Variants in ERC1 observed in about 807,000 individuals in gnomAD.
ERC1 encodes the protein RAB6 interacting protein 2.
A neutral mutation model predicts 132.0 loss-of-function variants in ERC1; 56 were observed. That is an observed-to-expected ratio of 0.42 (90% CI 0.34 to 0.53). The LOEUF is 0.53. Ranked by LOEUF, ERC1 falls within the 20% of genes least tolerant of loss-of-function variation. ERC1 has a pLI of 0.03. For synonymous variants in ERC1, 478 were observed against 476.1 expected (o/e 1.00, Z -0.05); for missense variants, 1,202 against 1,349.9 (o/e 0.89, Z 1.72).
intron 8 of ERC1, among the ~76,000 whole-genome samples, chr12:1,154,832 A>G (rs558690192): frequency 6.6e-6 from 1 of 152,298 alleles, no homozygotes; most frequent in South Asian, 2.1e-4. Context: ...TCATCAGGGA[A>G]ATGCAAATTA....
intron 18 of ERC1, among the ~76,000 whole-genome samples, chr12:1,477,261 A>G (rs1473883648): frequency 6.6e-6 from 1 of 152,264 alleles, no homozygotes; most frequent in Non-Finnish European, 1.5e-5. Context: ...AAGTGGATTA[A>G]ATGTGTTAAT....
At chr12:995,328 G>A (rs1960612393) in intron 1 of ERC1, among the ~76,000 whole-genome samples, 1 of 152,068 alleles carries the variant, frequency 6.6e-6, no homozygotes. Context: ...TCCAGGTGAG[G>A]GTATCTCTGA....
At chr12:1,167,781 A>T (rs1225243303) in intron 8 of ERC1, among the ~76,000 whole-genome samples, 3 of 144,130 alleles carry the variant, frequency 2.1e-5, no homozygotes, top group African/African-American at 7.8e-5. Context: ...CAGTGGCGTG[A>T]TCTCAGCTCA....
At chr12:1,183,931 C>T (rs1159816809) in intron 11 of ERC1, among the ~76,000 whole-genome samples, 2 of 151,950 alleles carry the variant, frequency 1.3e-5, no homozygotes, top group African/African-American at 2.4e-5. Flanking sequence ...GTCAGGAGTT[C>T]GAGACCAGCT....
chr12:1,328,826 G>GGATGCAAAGTGAGGCAATAACTAC (rs1555362532), intron 15 of ERC1, among the ~76,000 whole-genome samples: 2 of 149,108 alleles, frequency 1.3e-5, no homozygotes, highest in Non-Finnish European at 1.5e-5. Context: ...GTTGAATTAG[G>GGATGCAAAGTGAGGCAATAACTAC]AGCATCTAAT....
intron 1 of ERC1, among the ~76,000 whole-genome samples, chr12:1,006,555 G>T (rs1471744111): frequency 6.6e-6 from 1 of 151,954 alleles, no homozygotes; most frequent in African/African-American, 2.4e-5. Context: ...GCTCATTTTT[G>T]TAATTTTTTT....
At chr12:1,245,653 C>G (rs905038774) in intron 13 of ERC1, among the ~76,000 whole-genome samples, 1 of 152,124 alleles carries the variant, frequency 6.6e-6, no homozygotes, top group African/African-American at 2.4e-5. Flanking sequence ...TAAAAATGTT[C>G]TGATTGGATT....
intron 2 of ERC1, among the ~76,000 whole-genome samples, chr12:1,056,743 C>T (rs1050239490): frequency 1.3e-5 from 2 of 152,112 alleles, no homozygotes; most frequent in African/African-American, 4.8e-5. Context: ...ATACCTGGCC[C>T]CCAGGTAGCC....
intron 8 of ERC1, among the ~76,000 whole-genome samples, chr12:1,168,687 A>G (rs1249820690): frequency 6.6e-6 from 1 of 152,018 alleles, no homozygotes; most frequent in African/African-American, 2.4e-5. Flanking sequence ...GGGTTTTGCC[A>G]TGTTGGTCAG....
intron 15 of ERC1, among the ~76,000 whole-genome samples, chr12:1,304,076 G>T (rs900483847): frequency 6.6e-6 from 1 of 152,042 alleles, no homozygotes. Flanking sequence ...CCTATTTAGG[G>T]TGTGGTGGTT....
intron 8 of ERC1, among the ~76,000 whole-genome samples, chr12:1,155,444 C>T (rs1412797226): frequency 2.0e-5 from 3 of 151,840 alleles, no homozygotes; most frequent in African/African-American, 7.3e-5. Flanking sequence ...CCTAAGTGCC[C>T]ATCAACCAAT....
At chr12:1,150,212 T>C (rs1212892712) in intron 8 of ERC1, among the ~76,000 whole-genome samples, 1 of 152,358 alleles carries the variant, frequency 6.6e-6, no homozygotes, top group Non-Finnish European at 1.5e-5. Flanking sequence ...GGCATACTTA[T>C]ATGTGGAAAC....
At chr12:1,321,765 T>G (rs188339048) in intron 15 of ERC1, among the ~76,000 whole-genome samples, 1 of 152,310 alleles carries the variant, frequency 6.6e-6, no homozygotes, top group Non-Finnish European at 1.5e-5. Context: ...ATAAGTTTAT[T>G]GAATTCACAG....
intron 16 of ERC1, among the ~76,000 whole-genome samples, chr12:1,394,502 T>C (rs2090367876): frequency 6.6e-6 from 1 of 152,196 alleles, no homozygotes; most frequent in South Asian, 2.1e-4. Flanking sequence ...TGGCTTTGTG[T>C]CCCCAACCAA....
intron 15 of ERC1, among the ~76,000 whole-genome samples, chr12:1,361,563 T>C (rs993951101): frequency 2.0e-5 from 3 of 152,180 alleles, no homozygotes; most frequent in African/African-American, 2.4e-5. Flanking sequence ...GGAGCCCTGC[T>C]ACCTTCTTAA....
At chr12:995,095 C>CA (rs1413419953) in intron 1 of ERC1, among the ~76,000 whole-genome samples, 2,212 of 121,682 alleles carry the variant, frequency 0.018, 44 homozygotes, top group African/African-American at 0.053. Flanking sequence ...GACTCTGTCT[C>CA]AAAAAAAAAA....
intron 8 of ERC1, among the ~76,000 whole-genome samples, chr12:1,178,368 T>A (rs1350114311): frequency 6.6e-6 from 1 of 152,184 alleles, no homozygotes; most frequent in African/African-American, 2.4e-5. Flanking sequence ...TACTATGATC[T>A]GAGATGTACT....
chr12:1,274,530 T>C (rs2078119042), intron 14 of ERC1, among the ~76,000 whole-genome samples: 1 of 151,000 alleles, frequency 6.6e-6, no homozygotes, highest in African/African-American at 2.5e-5. Context: ...TCTTGCTCTG[T>C]TGCCCAGGCT....
At chr12:1,220,228 G>C (rs1038353736) in intron 12 of ERC1, among the ~76,000 whole-genome samples, 1 of 151,816 alleles carries the variant, frequency 6.6e-6, no homozygotes, top group African/African-American at 2.4e-5. Flanking sequence ...TTTTTTCTTA[G>C]CACATGTCAC....
Sources: allele counts gnomAD v4.1 joint callset (sites outside exome capture counted in the v4.1 genomes callset), GRCh38; gene constraint gnomAD v4.1.1; transcripts MANE v1.5; gene names NCBI Gene and HGNC (gene_info 2026-07-23, HGNC 2026-07-21).